The following SEPSECS variants were observed in gnomAD, a reference collection of about 807,000 sequenced individuals.
SEPSECS encodes the protein Sep (O-phosphoserine) tRNA:Sec (selenocysteine) tRNA synthase.
SEPSECS carries 42 observed loss-of-function variants against 52.1 expected under a neutral mutation model. The observed-to-expected ratio is 0.81, with a 90% CI of 0.63 to 1.04. SEPSECS has a LOEUF of 1.04. Among genes scored for constraint, SEPSECS ranks in the 50% least tolerant of loss-of-function variants. The pLI is 0.00. For missense variants in SEPSECS, 590 were observed against 610.6 expected (o/e 0.97, Z 0.36); for synonymous variants, 216 against 211.4 (o/e 1.02, Z -0.19).
chr4:25,133,822 T>A (rs896400739), intron 8 of SEPSECS, among the ~76,000 whole-genome samples: 1 of 146,042 alleles, frequency 6.8e-6, no homozygotes, highest in East Asian at 2.0e-4. Flanking sequence ...ATTATTCCCT[T>A]AAAAAAAAAA....
chr4:25,144,733 C>A (rs1379737157), intron 8 of SEPSECS, 41 bp downstream of exon 8: 1 of 1,365,044 alleles, frequency 7.3e-7, no homozygotes, highest in African/African-American at 1.4e-5. Context: ...GAGCACAGTT[C>A]TAGTCAAGAA....
Position 25,160,428 on chromosome 4 carries a change from C to T in SEPSECS, c.-59G>A, listed in dbSNP as rs1713006507. ...GCACTAGCTCCACACGCCAGACACA[C>T]GACGGAACCAGAATGCAACTCGCCG... On this transcript the variant is annotated 5_prime_UTR_variant, in exon 1 of 11. It adds an upstream start codon to the 5' untranslated region. Coordinates refer to ENST00000382103, the MANE Select transcript of SEPSECS (RefSeq NM_016955.4). 9 of 1,405,890 alleles carry T rather than the reference C, an allele frequency of 6.4e-6. No homozygotes were observed. Among genetic ancestry groups the T allele is most frequent in the South Asian group, 1.3e-5 (1 of 79,518 alleles). The allele number at this position is 1,405,890 out of a possible 1,614,324, so 87.1% of individuals were successfully genotyped here.
Position 25,160,412 on chromosome 4 carries a change from CCACACGCCAGA to C in SEPSECS, c.-54_-44del, listed in dbSNP as rs2075102561. Reference sequence around the variant, plus strand: ...TGGCGAATAAGCGGGAGCACTAGCTCCACACGCCAGACACACGACGGAACCAGAATGCAACT... The same window carrying C: ...TGGCGAATAAGCGGGAGCACTAGCTCCACACGACGGAACCAGAATGCAACT... On this transcript the variant is annotated 5_prime_UTR_variant, in exon 1 of 11. Transcript: ENST00000382103. The C allele has an allele frequency of 6.7e-7, 1 of 1,482,848 alleles. No individual in the cohort carries two copies. Among genetic ancestry groups the C allele is most frequent in the African/African-American group, 1.4e-5 (1 of 71,654 alleles). 91.9% of individuals were successfully genotyped at this position (1,482,848 alleles called of 1,614,324 possible).
Position 25,123,113 on chromosome 4 carries a change from A to C in SEPSECS, c.*818T>G, listed in dbSNP as rs1395161583. On this transcript the variant is annotated 3_prime_UTR_variant, in exon 11 of 11. Transcript: ENST00000382103. ...GAATCCGTGACCCTGGTTATCACTT[A>C]AGATTCTCTATATAGTATAGTTTGA... 1 of 152,198 alleles carries C rather than the reference A, an allele frequency of 6.6e-6. No homozygotes were observed. Among genetic ancestry groups the C allele is most frequent in the Non-Finnish European group, 1.5e-5 (1 of 68,020 alleles). 9.4% of individuals were successfully genotyped at this position (152,198 alleles called of 1,614,324 possible).
intron 1 of SEPSECS, chr4:25,159,984 C>T: frequency 4.1e-6 from 4 of 985,380 alleles, no homozygotes; most frequent in Non-Finnish European, 4.8e-6. Context: ...GGGACTTTCC[C>T]TCACTTCCGC....
chr4:25,135,296 T>C (rs1577608361), intron 8 of SEPSECS, among the ~76,000 whole-genome samples: 1 of 138,394 alleles, frequency 7.2e-6, no homozygotes, highest in Non-Finnish European at 1.6e-5. Flanking sequence ...TTTTAAAAAA[T>C]TAATAAAAAA....
At chr4:25,130,230 G>T (rs563767035) in intron 8 of SEPSECS, among the ~76,000 whole-genome samples, 80 of 152,302 alleles carry the variant, frequency 5.3e-4, no homozygotes, top group Non-Finnish European at 9.7e-4. Flanking sequence ...TGCCAATGTG[G>T]TCACATTTGT....
chr4:25,127,304 A>C lies in SEPSECS; in HGVS notation c.1080T>G (p.Asn360Lys). 6.2e-7 allele frequency: 1 copy of C among 1,613,412 alleles called. No individual in the cohort carries two copies. Among genetic ancestry groups the C allele is most frequent in the Non-Finnish European group, 8.5e-7 (1 of 1,179,584 alleles). The change falls in exon 9 of 11, where the codon AAT becomes AAG. Residue 360 changes from asparagine to lysine, a missense_variant. Coordinates refer to ENST00000382103, the MANE Select transcript of SEPSECS (RefSeq NM_016955.4). ...NQIKKLSEAY[N>K]ERLLHTPHNP... ...TGTGAGGTGTATGCAACAGTCTTTC[A>C]TTGTAGGCTTCTGACAACTTCTTTA...
intron 6 of SEPSECS, among the ~76,000 whole-genome samples, chr4:25,150,081 A>G (rs1181131724): frequency 6.6e-6 from 1 of 152,240 alleles, no homozygotes; most frequent in Non-Finnish European, 1.5e-5. Flanking sequence ...TAAGCAAATC[A>G]GTGATTACTA....
intron 5 of SEPSECS, 142 bp downstream of exon 5, chr4:25,154,856 T>C (rs1300548096): frequency 2.2e-6 from 2 of 906,038 alleles, no homozygotes; most frequent in Admixed American, 4.5e-5. Context: ...TAATGCTATT[T>C]CTCCACAAGG....
chr4:25,125,847 TAAC>T (rs1259285194), intron 9 of SEPSECS, 63 bp from the exon 10 acceptor site: 6 of 954,972 alleles, frequency 6.3e-6, no homozygotes, highest in African/African-American at 4.9e-5. Context: ...ACTCAAATAA[TAAC>T]AATAATAATG....
At chr4:25,146,501 A>T (rs1200303304) in intron 6 of SEPSECS, among the ~76,000 whole-genome samples, 1 of 152,204 alleles carries the variant, frequency 6.6e-6, no homozygotes, top group Non-Finnish European at 1.5e-5. Context: ...CATGCGAAGT[A>T]GCAGCATATA....
At chr4:25,128,535 T>C (rs998180355) in intron 8 of SEPSECS, among the ~76,000 whole-genome samples, 1 of 151,878 alleles carries the variant, frequency 6.6e-6, no homozygotes, top group African/African-American at 2.4e-5. Flanking sequence ...TAGTAGAAAA[T>C]ATAATAAAAA....
intron 8 of SEPSECS, among the ~76,000 whole-genome samples, chr4:25,140,502 C>T (rs757892731): frequency 3.3e-5 from 5 of 152,128 alleles, no homozygotes; most frequent in Non-Finnish European, 7.4e-5. Flanking sequence ...AGATTTCGGT[C>T]CATATTCCAC....
intron 6 of SEPSECS, among the ~76,000 whole-genome samples, chr4:25,148,169 G>A (rs993776271): frequency 6.6e-6 from 1 of 152,022 alleles, no homozygotes; most frequent in South Asian, 2.1e-4. Flanking sequence ...TGGCTAACAC[G>A]GTGAAACCCC....
At position 25,125,757 on chromosome 4, in the gene SEPSECS, T is replaced by A; in HGVS notation, c.1148A>T (p.His383Leu). 1.9e-6 allele frequency: 3 copies of A among 1,612,860 alleles called. No individual in the cohort carries two copies. Among genetic ancestry groups the A allele is most frequent in the Non-Finnish European group, 2.5e-6 (3 of 1,179,230 alleles). ...AAGCTGAGTGACAGCTTTGTCACGG[T>A]GTTCATCTAGTGTTTTAAGTGTCAT... ...LAMTLKTLDE[H>L]RDKAVTQLGS... The change falls in exon 10 of 11, where the codon CAC becomes CTC. Residue 383 changes from histidine (H) to leucine (L), a missense_variant. Coordinates refer to ENST00000382103, the MANE Select transcript of SEPSECS (RefSeq NM_016955.4).
intron 6 of SEPSECS, among the ~76,000 whole-genome samples, chr4:25,149,070 T>G (rs1231043223): frequency 1.3e-5 from 2 of 150,858 alleles, no homozygotes. Flanking sequence ...GAGCTTTTAT[T>G]TTTTTTTTGG....
At chr4:25,145,460 C>T (rs1274898117) in intron 6 of SEPSECS, among the ~76,000 whole-genome samples, 2 of 152,130 alleles carry the variant, frequency 1.3e-5, no homozygotes, top group Non-Finnish European at 1.5e-5. Flanking sequence ...AATGGTGCTC[C>T]TTATATGTGC....
chr4:25,124,090 C>A lies in SEPSECS; in HGVS notation c.1347G>T (p.Leu449=). The A allele has an allele frequency of 6.2e-7, 1 of 1,613,844 alleles. No individual in the cohort carries two copies. The highest frequency in any genetic ancestry group is 1.7e-5 in the Admixed American group (1 of 60,006). Residue 449 remains leucine (L), a synonymous_variant, in exon 11 of 11, where the codon CTG becomes CTT. Transcript: ENST00000382103. The stretch of plus-strand genomic sequence containing the variant: ...AACACCTGTCAAGTCTCTTTATGAA[C>A]AGGTCCACATCCTGCATCTTCATTC... ...AIGMKMQDVD[L]FIKRLDRCLK...
Sources: allele counts gnomAD v4.1 joint callset (sites outside exome capture counted in the v4.1 genomes callset), GRCh38; gene constraint gnomAD v4.1.1; transcripts MANE v1.5; gene names NCBI Gene and HGNC (gene_info 2026-07-23, HGNC 2026-07-21).